PTPRD: variants seen among roughly 807,000 people sequenced by gnomAD.
PTPRD encodes the protein protein tyrosine phosphatase receptor type D, also known as receptor-type tyrosine-protein phosphatase delta.
PTPRD carries 34 observed loss-of-function variants against 214.5 expected under a neutral mutation model. The ratio of observed to expected loss-of-function variants is 0.16; its 90% CI spans 0.12 to 0.21. The LOEUF (loss-of-function observed/expected upper bound fraction) is 0.21. Among genes scored for constraint, PTPRD ranks in the 10% least tolerant of loss-of-function variants. The pLI, the probability that PTPRD is intolerant of heterozygous loss-of-function variation, is 1.00. For missense variants in PTPRD, 2,545 were observed against 2,398.7 expected (o/e 1.06, Z -1.27); for synonymous variants, 1,128 against 845.7 (o/e 1.33, Z -5.79).
chr9:8,727,175 C>T (rs918747229), intron 12 of PTPRD, among the ~76,000 whole-genome samples: 5 of 152,124 alleles, frequency 3.3e-5, no homozygotes, highest in African/African-American at 1.2e-4. Context: ...AGTTTAGGGC[C>T]TATTCCCAAA....
At chr9:9,283,047 T>C (rs971418900) in intron 9 of PTPRD, among the ~76,000 whole-genome samples, 2 of 151,456 alleles carry the variant, frequency 1.3e-5, no homozygotes, top group Admixed American at 6.6e-5. Flanking sequence ...GGTATCTCAA[T>C]CTTCCCCTAA....
chr9:9,798,271 T>A (rs2153497603), intron 5 of PTPRD, among the ~76,000 whole-genome samples: 1 of 152,184 alleles, frequency 6.6e-6, no homozygotes, highest in Non-Finnish European at 1.5e-5. Flanking sequence ...CAAGGGAAAA[T>A]CATATTTATT....
At chr9:8,953,874 A>G (rs2099116957) in intron 11 of PTPRD, among the ~76,000 whole-genome samples, 1 of 152,002 alleles carries the variant, frequency 6.6e-6, no homozygotes, top group Non-Finnish European at 1.5e-5. Context: ...TGCAAAGAAA[A>G]GGGGACACTT....
At chr9:9,992,747 C>T (rs1425680951) in intron 4 of PTPRD, among the ~76,000 whole-genome samples, 2 of 151,702 alleles carry the variant, frequency 1.3e-5, no homozygotes, top group Non-Finnish European at 2.9e-5. Context: ...GGGAGTTGAA[C>T]CATGAGAACA....
At chr9:8,529,356 C>T (rs150968421) in intron 14 of PTPRD, among the ~76,000 whole-genome samples, 68 of 152,178 alleles carry the variant, frequency 4.5e-4, no homozygotes, top group African/African-American at 1.6e-3. Context: ...GTATAAGGTT[C>T]AACCCAAATC....
At chr9:10,509,482 T>TATCTATCTATCC (rs1555449788) in intron 2 of PTPRD, among the ~76,000 whole-genome samples, 1 of 147,678 alleles carries the variant, frequency 6.8e-6, no homozygotes, top group Non-Finnish European at 1.5e-5. Context: ...TCTATCTATC[T>TATCTATCTATCC]ATCTATCTAT....
At chr9:8,676,806 T>C (rs1053001685) in intron 12 of PTPRD, among the ~76,000 whole-genome samples, 5 of 152,148 alleles carry the variant, frequency 3.3e-5, no homozygotes, top group African/African-American at 1.2e-4. Context: ...ACTCCTGACC[T>C]CAGGTGATCC....
chr9:10,124,258 T>C (rs1256811062), intron 3 of PTPRD, among the ~76,000 whole-genome samples: 4 of 152,232 alleles, frequency 2.6e-5, no homozygotes, highest in African/African-American at 9.6e-5. Context: ...TGCATATTCA[T>C]ATAATAAGAA....
At chr9:10,125,761 C>T (rs1420777009) in intron 3 of PTPRD, among the ~76,000 whole-genome samples, 1 of 151,748 alleles carries the variant, frequency 6.6e-6, no homozygotes, top group Non-Finnish European at 1.5e-5. Flanking sequence ...GGATTATAGG[C>T]GTGAGCCACC....
At chr9:10,352,494 G>A (rs2097199878) in intron 2 of PTPRD, among the ~76,000 whole-genome samples, 1 of 152,028 alleles carries the variant, frequency 6.6e-6, no homozygotes, top group South Asian at 2.1e-4. Context: ...CACCTTTGCA[G>A]ACAGAGCAGT....
At chr9:8,763,577 TATAAC>T (rs2094533850) in intron 11 of PTPRD, among the ~76,000 whole-genome samples, 1 of 151,244 alleles carries the variant, frequency 6.6e-6, no homozygotes, top group Non-Finnish European at 1.5e-5. Flanking sequence ...ACATATATAG[TATAAC>T]ATAACACTAT....
intron 10 of PTPRD, among the ~76,000 whole-genome samples, chr9:9,062,665 A>G (rs986483753): frequency 5.3e-5 from 8 of 152,204 alleles, no homozygotes; most frequent in Non-Finnish European, 1.2e-4. Flanking sequence ...AGTTGAATGT[A>G]TGTTTCAGTG....
intron 21 of PTPRD, among the ~76,000 whole-genome samples, chr9:8,515,064 T>G (rs1390747876): frequency 6.6e-6 from 1 of 152,212 alleles, no homozygotes; most frequent in Non-Finnish European, 1.5e-5. Flanking sequence ...ATTAAACCTC[T>G]TTCCTTTGTA....
intron 2 of PTPRD, among the ~76,000 whole-genome samples, chr9:10,591,255 G>C (rs886883820): frequency 9.9e-5 from 15 of 151,916 alleles, no homozygotes; most frequent in South Asian, 2.1e-4. Flanking sequence ...TTTTGTTGGT[G>C]CATGTGTATG....
chr9:8,878,726 G>A (rs936271411), intron 11 of PTPRD, among the ~76,000 whole-genome samples: 1 of 152,074 alleles, frequency 6.6e-6, no homozygotes, highest in Non-Finnish European at 1.5e-5. Context: ...TAGAAGAGAC[G>A]AGGTCTTGCC....
At chr9:8,600,050 C>A (rs934338687) in intron 14 of PTPRD, among the ~76,000 whole-genome samples, 1 of 152,214 alleles carries the variant, frequency 6.6e-6, no homozygotes, top group Non-Finnish European at 1.5e-5. Flanking sequence ...GCCCCTCCCC[C>A]ATCCCCTGGC....
chr9:8,930,423 T>C (rs199591231), intron 11 of PTPRD, among the ~76,000 whole-genome samples: 1 of 152,140 alleles, frequency 6.6e-6, no homozygotes. Context: ...AATAAACATA[T>C]GTGTGCATGT....
Position 9,557,925 on chromosome 9 carries a change from G to T in PTPRD, c.-237+16807C>A, listed in dbSNP as rs933013051. On this transcript the variant is annotated intron_variant, in intron 8 of 45. Transcript: ENST00000381196. ...TCTCTTACACAGCTTACTTAAACTAGCTTTCTCATTAGCAGCTTACTTTCA... is the reference window on the plus strand; with the variant it reads ...TCTCTTACACAGCTTACTTAAACTATCTTTCTCATTAGCAGCTTACTTTCA... Among the ~76,000 whole-genome samples, 5 of 152,144 alleles carry T rather than the reference G, an allele frequency of 3.3e-5. No individual in the cohort carries two copies. The East Asian group carries it at 9.7e-4, about 29-fold the overall frequency.
rs374958926 is a variant in PTPRD at position 8,426,944 on chromosome 9, A to G, written c.4086+9648T>C. On this transcript the variant is annotated intron_variant, in intron 35 of 45. Coordinates refer to ENST00000381196, the MANE Select transcript of PTPRD (RefSeq NM_002839.4). ...AGAAAAAAAGACTATAAGCGCATAG[A>G]CATACGCCCTGTTTTGGATGCAATG... Among the ~76,000 whole-genome samples, 16 of 152,306 alleles carry G rather than the reference A, an allele frequency of 1.1e-4. 1 individual carries two copies. In the South Asian group the frequency reaches 3.3e-3, roughly 32 times the overall value.
Sources: gnomAD v4.1 joint callset for allele counts (sites outside exome capture counted in the v4.1 genomes callset) on GRCh38, gnomAD v4.1.1 for gene constraint, MANE v1.5 for transcripts, NCBI Gene and HGNC (gene_info 2026-07-23, HGNC 2026-07-21) for gene names.